Variants in SH3GL2 observed in about 807,000 individuals in gnomAD.
SH3GL2 encodes the protein SH3 domain containing GRB2 like 2, endophilin A1.
In SH3GL2, 24 loss-of-function variants were observed where a neutral mutation model predicts 46.0. That is an observed-to-expected ratio of 0.52 (90% CI 0.38 to 0.73). The LOEUF (loss-of-function observed/expected upper bound fraction) is 0.73, where lower values mean the gene tolerates loss of function less well. Ranked by LOEUF, SH3GL2 falls within the 30% of genes least tolerant of loss-of-function variation. SH3GL2 has a pLI of 0.00. For synonymous variants in SH3GL2, 196 were observed against 147.1 expected, an observed-to-expected ratio of 1.33 and a Z score of -2.40; for missense variants, 413 against 424.2, an observed-to-expected ratio of 0.97 and a Z score of 0.23.
chr9:17,605,731 G>C (rs1468132776), intron 1 of SH3GL2, among the ~76,000 whole-genome samples: 2 of 152,202 alleles, frequency 1.3e-5, no homozygotes, highest in African/African-American at 4.8e-5. Flanking sequence ...ATAATAAACT[G>C]CATGTCATAA....
chr9:17,791,604 T>C (rs1318522114), intron 7 of SH3GL2, among the ~76,000 whole-genome samples: 1 of 152,210 alleles, frequency 6.6e-6, no homozygotes, highest in Non-Finnish European at 1.5e-5. Context: ...CTACTGCTGA[T>C]AATGGATGCC....
chr9:17,747,175 C>G, intron 2 of SH3GL2, 41 bp downstream of exon 2: 3 of 1,288,650 alleles, frequency 2.3e-6, no homozygotes, highest in Non-Finnish European at 3.3e-6. Flanking sequence ...TTGACATAAA[C>G]ATGTCTACCA....
intron 1 of SH3GL2, among the ~76,000 whole-genome samples, chr9:17,743,884 G>A (rs1261448602): frequency 6.6e-6 from 1 of 152,140 alleles, no homozygotes; most frequent in East Asian, 1.9e-4. Flanking sequence ...GGGTTACCAG[G>A]ATTCTCTATT....
intron 1 of SH3GL2, among the ~76,000 whole-genome samples, chr9:17,713,160 T>C (rs1323646613): frequency 6.6e-6 from 1 of 151,472 alleles, no homozygotes; most frequent in African/African-American, 2.4e-5. Context: ...GTTTTTTAAA[T>C]GTGTTGATTG....
At chr9:17,660,983 G>A (rs1326371361) in intron 1 of SH3GL2, among the ~76,000 whole-genome samples, 1 of 152,012 alleles carries the variant, frequency 6.6e-6, no homozygotes, top group East Asian at 1.9e-4. Flanking sequence ...CCAACGTGGT[G>A]AAACCCTGTC....
At chr9:17,751,850 C>G (rs186670265) in intron 2 of SH3GL2, among the ~76,000 whole-genome samples, 1 of 151,380 alleles carries the variant, frequency 6.6e-6, no homozygotes, top group Non-Finnish European at 1.5e-5. Context: ...TGTGCTAAGA[C>G]ACACCCCCCC....
intron 1 of SH3GL2, among the ~76,000 whole-genome samples, chr9:17,681,117 A>T (rs1820755554): frequency 6.6e-6 from 1 of 152,172 alleles, no homozygotes; most frequent in Non-Finnish European, 1.5e-5. Flanking sequence ...TGCTTCTAGA[A>T]GCTTTCAAGG....
chr9:17,643,954 T>A (rs984798223), intron 1 of SH3GL2, among the ~76,000 whole-genome samples: 1 of 152,230 alleles, frequency 6.6e-6, no homozygotes, highest in Non-Finnish European at 1.5e-5. Flanking sequence ...TGTGAATTCG[T>A]CTGGTCCTGG....
intron 1 of SH3GL2, among the ~76,000 whole-genome samples, chr9:17,687,783 A>T (rs891322455): frequency 2.0e-5 from 3 of 152,070 alleles, no homozygotes; most frequent in Non-Finnish European, 2.9e-5. Context: ...GAGAGAAACA[A>T]TGATGGATGT....
chr9:17,595,808 G>A lies in SH3GL2; in HGVS notation c.45+16521G>A, dbSNP rs141415128. On this transcript the variant is annotated intron_variant, in intron 1 of 8. Transcript: ENST00000380607. ...TGTAATATGTAGTAAGCCTGATATT[G>A]TAAAAATATAGCTATGATGGTAGCT... 7.3e-3 allele frequency among the ~76,000 whole-genome samples: 1,109 copies of A among 152,246 alleles called. 14 individuals carry two copies. Among genetic ancestry groups the A allele is most frequent in the African/African-American group, 0.023 (975 of 41,546 alleles).
At chr9:17,714,265 G>A (rs1215476195) in intron 1 of SH3GL2, among the ~76,000 whole-genome samples, 3 of 151,460 alleles carry the variant, frequency 2.0e-5, no homozygotes, top group African/African-American at 7.2e-5. Context: ...GTGTTTGTAG[G>A]TTTGTAGTAA....
At position 17,661,831 on chromosome 9, in the gene SH3GL2, C is replaced by T. The variant is rs1411041898; in HGVS notation, c.45+82544C>T. On this transcript the variant is annotated intron_variant, in intron 1 of 8. Coordinates refer to ENST00000380607, the MANE Select transcript of SH3GL2 (RefSeq NM_003026.5). Reference sequence around the variant, plus strand: ...CTGAATATAAACTTTAACTTTAACACGTAATACTTATGTAACATAACTTAA... The same window carrying T: ...CTGAATATAAACTTTAACTTTAACATGTAATACTTATGTAACATAACTTAA... 1.1e-4 allele frequency among the ~76,000 whole-genome samples: 17 copies of T among 152,002 alleles called. No homozygotes were observed. The East Asian group carries it at 2.3e-3, about 21-fold the overall frequency.
chr9:17,640,121 T>C (rs1443044218), intron 1 of SH3GL2, among the ~76,000 whole-genome samples: 1 of 152,152 alleles, frequency 6.6e-6, no homozygotes, highest in African/African-American at 2.4e-5. Flanking sequence ...TGAGTGACTT[T>C]TCTTACAATT....
At chr9:17,604,852 C>G (rs981174760) in intron 1 of SH3GL2, among the ~76,000 whole-genome samples, 1 of 152,130 alleles carries the variant, frequency 6.6e-6, no homozygotes, top group African/African-American at 2.4e-5. Flanking sequence ...TTTCTAGGGC[C>G]TCCTGAGAAA....
At chr9:17,785,295 A>G (rs1823923430) in intron 3 of SH3GL2, among the ~76,000 whole-genome samples, 1 of 151,994 alleles carries the variant, frequency 6.6e-6, no homozygotes, top group Non-Finnish European at 1.5e-5. Context: ...TTTAAAATAG[A>G]CTCTACCCTC....
intron 1 of SH3GL2, among the ~76,000 whole-genome samples, chr9:17,624,486 C>T (rs1485519542): frequency 6.6e-6 from 1 of 151,816 alleles, no homozygotes. Context: ...TACCATTTAG[C>T]CTTTGACATT....
intron 1 of SH3GL2, among the ~76,000 whole-genome samples, chr9:17,671,190 G>C (rs1396793256): frequency 6.6e-6 from 1 of 152,130 alleles, no homozygotes; most frequent in Non-Finnish European, 1.5e-5. Flanking sequence ...AGATAGAAAA[G>C]TTCAGCTTTT....
At chr9:17,650,695 A>G (rs1010291938) in intron 1 of SH3GL2, among the ~76,000 whole-genome samples, 1 of 152,176 alleles carries the variant, frequency 6.6e-6, no homozygotes, top group African/African-American at 2.4e-5. Context: ...TATTTTTGTA[A>G]ATCATGTTAT....
At chr9:17,627,191 T>C (rs1819301724) in intron 1 of SH3GL2, among the ~76,000 whole-genome samples, 1 of 152,186 alleles carries the variant, frequency 6.6e-6, no homozygotes, top group Non-Finnish European at 1.5e-5. Context: ...GCTGCTGTTT[T>C]TATTAGCACT....
Sources: gnomAD v4.1 joint callset for allele counts (sites outside exome capture counted in the v4.1 genomes callset) on GRCh38, gnomAD v4.1.1 for gene constraint, MANE v1.5 for transcripts, NCBI Gene and HGNC (gene_info 2026-07-23, HGNC 2026-07-21) for gene names.